ADAM2: variants seen among roughly 807,000 people sequenced by gnomAD.
ADAM2 encodes ADAM metallopeptidase domain 2.
Under a neutral mutation model 99.3 loss-of-function variants are expected in ADAM2, and 101 were observed. That is an observed-to-expected ratio of 1.02 (90% CI 0.87 to 1.20). The LOEUF is 1.20. Ranked by LOEUF, ADAM2 falls within the 50% of genes most tolerant of loss-of-function variation. The pLI is 0.00. For missense variants in ADAM2, 948 were observed against 878.7 expected, an observed-to-expected ratio of 1.08 and a Z score of -1.00; for synonymous variants, 323 against 287.6, an observed-to-expected ratio of 1.12 and a Z score of -1.25.
At chr8:39,825,865 TAGTTA>T (rs1173209939) in intron 3 of ADAM2, among the ~76,000 whole-genome samples, 1 of 152,140 alleles carries the variant, frequency 6.6e-6, no homozygotes, top group Non-Finnish European at 1.5e-5. Flanking sequence ...TATAAGAATA[TAGTTA>T]AGTTGTTTCA....
chr8:39,760,251 G>A (rs181828203), intron 15 of ADAM2, among the ~76,000 whole-genome samples: 11 of 152,210 alleles, frequency 7.2e-5, no homozygotes, highest in African/African-American at 2.6e-4. Flanking sequence ...ACCATTCTAA[G>A]TGTTTTTCAT....
At chr8:39,774,690 G>A (rs1802918294) in intron 11 of ADAM2, 1 of 152,000 alleles carries the variant, frequency 6.6e-6, no homozygotes, top group Non-Finnish European at 1.5e-5. Flanking sequence ...AGAATACTTT[G>A]ACATTATCCA....
At chr8:39,820,720 G>A (rs1291708399) in intron 6 of ADAM2, among the ~76,000 whole-genome samples, 2 of 152,060 alleles carry the variant, frequency 1.3e-5, no homozygotes, top group Non-Finnish European at 2.9e-5. Context: ...TAACATAATG[G>A]CTATGGGGAA....
At chr8:39,776,593 G>A (rs1802997047) in intron 11 of ADAM2, among the ~76,000 whole-genome samples, 2 of 151,966 alleles carry the variant, frequency 1.3e-5, no homozygotes, top group Non-Finnish European at 2.9e-5. Flanking sequence ...TACTGCAAAC[G>A]ACTTTCTCTC....
At chr8:39,828,180 G>T (rs866017077) in intron 3 of ADAM2, among the ~76,000 whole-genome samples, 16 of 151,738 alleles carry the variant, frequency 1.1e-4, no homozygotes, top group Middle Eastern at 6.8e-3. Flanking sequence ...CACCAGAATT[G>T]GTAAATTTTG....
rs1343830233 is a variant in ADAM2 at position 39,814,370 on chromosome 8, A to AG, written c.514-4905_514-4904insC. Among the ~76,000 whole-genome samples the AG allele has an allele frequency of 3.3e-5, 5 of 152,036 alleles. No homozygotes were observed. The South Asian group carries it at 1.0e-3, about 32-fold the overall frequency. On this transcript the variant is annotated intron_variant, in intron 6 of 20. Coordinates refer to ENST00000265708, the MANE Select transcript of ADAM2 (RefSeq NM_001464.5). ...TGAGACTCTGTCTCAGAAAAAAAAA[A>AG]AAAATCCACAATAGCCAAGCCATTT...
At chr8:39,744,948 C>T (rs938079557) in intron 19 of ADAM2, 55 bp from the exon 20 acceptor site, 11 of 1,377,710 alleles carry the variant, frequency 8.0e-6, no homozygotes, top group Non-Finnish European at 7.1e-6. Flanking sequence ...ATTTTACAAA[C>T]CTCTGTATTA....
At chr8:39,763,525 A>T (rs889200512) in intron 14 of ADAM2, among the ~76,000 whole-genome samples, 1 of 152,206 alleles carries the variant, frequency 6.6e-6, no homozygotes, top group Admixed American at 6.5e-5. Context: ...GAGAAATGTG[A>T]TGCATGTACT....
At chr8:39,775,459 T>A (rs1404252457) in intron 11 of ADAM2, among the ~76,000 whole-genome samples, 2 of 151,712 alleles carry the variant, frequency 1.3e-5, no homozygotes, top group Admixed American at 1.3e-4. Flanking sequence ...GATTCCAATC[T>A]CTGGCACTTC....
intron 4 of ADAM2, among the ~76,000 whole-genome samples, chr8:39,821,967 A>G (rs995183591): frequency 6.6e-6 from 1 of 152,186 alleles, no homozygotes; most frequent in South Asian, 2.1e-4. Flanking sequence ...ACAATGTTGC[A>G]TGGTAGATAA....
At chr8:39,831,631 C>T (rs1201184297) in intron 3 of ADAM2, among the ~76,000 whole-genome samples, 2 of 152,032 alleles carry the variant, frequency 1.3e-5, no homozygotes, top group Non-Finnish European at 2.9e-5. Context: ...TTACAAAGCA[C>T]AAATGTGTCA....
chr8:39,749,390 C>T lies in ADAM2; in HGVS notation c.1936G>A (p.Val646Ile), dbSNP rs959090170. ...CCACCAGGCCATAGATCTGATTGAA[C>T]TGAGCAATCTGGAGGTAAATATGAA... Reference protein sequence around the residue: ...SASYLPPDCSVQSDLWPGGSI... With the variant: ...SASYLPPDCSIQSDLWPGGSI... The change falls in exon 18 of 21, where the codon GTT (valine) becomes ATT (isoleucine). Residue 646 changes from valine (V) to isoleucine (I), a missense_variant. Physicochemically the swap from Val to Ile is conservative, Grantham distance 29. Coordinates refer to ENST00000265708, the MANE Select transcript of ADAM2 (RefSeq NM_001464.5). 6.2e-7 allele frequency: 1 copy of T among 1,613,492 alleles called. No homozygotes were observed. The highest frequency in any genetic ancestry group is 1.1e-5 in the South Asian group (1 of 91,054).
chr8:39,761,372 A>G (rs1216529132), intron 14 of ADAM2, 91 bp from the exon 15 acceptor site: 2 of 638,920 alleles, frequency 3.1e-6, no homozygotes, highest in East Asian at 3.0e-5. Context: ...AGGGTTTAAG[A>G]TATTCATTGT....
chr8:39,787,334 T>C (rs1183427898), intron 9 of ADAM2, among the ~76,000 whole-genome samples: 1 of 151,018 alleles, frequency 6.6e-6, no homozygotes, highest in Non-Finnish European at 1.5e-5. Context: ...AAACAAAAAA[T>C]AATAAAAATA....
In ADAM2 at chr8:39,824,813, AC is replaced by A. The variant is rs1563382401; in HGVS notation, c.267+5del. On this transcript the variant is annotated splice_donor_5th_base_variant and intron_variant, in intron 4 of 20. Transcript: ENST00000265708. ...ACAAAAATAAAAGAGATCATAAAAA[AC>A]ATACCTGAAAATCTTGGTCAAGTGG... 4 of 1,492,390 alleles carry A rather than the reference AC, an allele frequency of 2.7e-6. No individual in the cohort carries two copies. The East Asian group carries it at 9.0e-5, about 34-fold the overall frequency. The allele number at this position is 1,492,390 out of a possible 1,614,324, so 92.4% of individuals were successfully genotyped here.
Position 39,821,088 on chromosome 8 carries a change from C to A in ADAM2, c.427G>T (p.Val143Leu). 6.2e-7 allele frequency: 1 copy of A among 1,609,168 alleles called. No homozygotes were observed. The highest frequency in any genetic ancestry group is 8.5e-7 in the Non-Finnish European group (1 of 1,175,942). The change falls in exon 6 of 21, where the codon GTA (valine) becomes TTA (leucine). Residue 143 changes from valine to leucine, a missense_variant. Val to Leu is a conservative substitution (Grantham distance 32, BLOSUM62 1). Transcript: ENST00000265708. ...GAAACATCTGCTTTCTTATGTTTTA[C>A]TTGGTAAATTACATGTTCAAAGCCA... ...SVGFEHVIYQ[V>L]KHKKADVSLY... is the part of the protein sequence containing the mutation.
At chr8:39,764,623 G>T (rs1245860974) in intron 14 of ADAM2, among the ~76,000 whole-genome samples, 1 of 152,126 alleles carries the variant, frequency 6.6e-6, no homozygotes, top group Non-Finnish European at 1.5e-5. Context: ...TCACAATAAA[G>T]CTTTCTCTTT....
chr8:39,778,811 C>T (rs1051353012), intron 10 of ADAM2, among the ~76,000 whole-genome samples: 2 of 152,078 alleles, frequency 1.3e-5, no homozygotes, highest in Non-Finnish European at 2.9e-5. Flanking sequence ...AAGCTAAATA[C>T]TGTAGTAGTA....
At chr8:39,745,545 T>C (rs1026234) in intron 19 of ADAM2, among the ~76,000 whole-genome samples, 94,264 of 151,868 alleles carry the variant, frequency 0.62, 29,841 homozygotes, top group East Asian at 0.86. Flanking sequence ...TACTTGTATT[T>C]TTATAGCACA....
Sources: allele counts gnomAD v4.1 joint callset (sites outside exome capture counted in the v4.1 genomes callset), GRCh38; gene constraint gnomAD v4.1.1; transcripts MANE v1.5; gene names NCBI Gene and HGNC (gene_info 2026-07-23, HGNC 2026-07-21).